Variants in PANX1 observed in about 807,000 individuals in gnomAD.
PANX1 encodes the protein pannexin 1.
Under a neutral mutation model 38.7 loss-of-function variants are expected in PANX1, and 30 were observed. The ratio of observed to expected loss-of-function variants is 0.78; its 90% CI spans 0.58 to 1.05. The LOEUF (loss-of-function observed/expected upper bound fraction) is 1.05, where lower values mean the gene tolerates loss of function less well. PANX1 is among the 50% of genes least tolerant of loss of function. The pLI is 0.00. For synonymous variants in PANX1, 230 were observed against 212.2 expected (o/e 1.08, Z -0.73); for missense variants, 551 against 517.2 (o/e 1.07, Z -0.63).
rs191033653 is a variant in PANX1 at position 94,152,698 on chromosome 11, A to T, written c.182-793A>T. ...TTTCCCTCCATGGCCTGTGTGTGTC[A>T]GGAGCACAAAGAGTCTTCCAGATGG... On this transcript the variant is annotated intron_variant, in intron 1 of 4. Transcript: ENST00000227638. Among the ~76,000 whole-genome samples the T allele has an allele frequency of 4.5e-3, 683 of 152,340 alleles. 3 individuals are homozygous for T. Among genetic ancestry groups the T allele is most frequent in the Non-Finnish European group, 6.7e-3 (458 of 68,028 alleles).
chr11:94,142,675 G>GT (rs754632514), intron 1 of PANX1, among the ~76,000 whole-genome samples: 2 of 152,256 alleles, frequency 1.3e-5, no homozygotes, highest in South Asian at 2.1e-4. Context: ...CCACTGGACT[G>GT]TAAGCCCTTG....
chr11:94,130,283 G>T (rs1018850575), intron 1 of PANX1, among the ~76,000 whole-genome samples: 4 of 152,186 alleles, frequency 2.6e-5, no homozygotes, highest in Non-Finnish European at 5.9e-5. Context: ...ACCCAGTGCG[G>T]CTGGACTTTG....
rs1010948240 is a variant in PANX1 at position 94,169,464 on chromosome 11, G to C, written c.322-8905G>C. Among the ~76,000 whole-genome samples, 16 of 151,794 alleles carry C rather than the reference G, an allele frequency of 1.1e-4. 1 individual carries two copies. Among genetic ancestry groups the C allele is most frequent in the African/African-American group, 3.4e-4 (14 of 41,062 alleles). ...ATGGGCTGAATTGTGTCCCCCAAAA[G>C]ATATGTCGAAGTTTTAACCCAGTGT... is the stretch of plus-strand genomic sequence containing the variant. On this transcript the variant is annotated intron_variant, in intron 2 of 4. Coordinates refer to ENST00000227638, the MANE Select transcript of PANX1 (RefSeq NM_015368.4).
At chr11:94,173,416 C>G (rs562276765) in intron 2 of PANX1, among the ~76,000 whole-genome samples, 1 of 151,544 alleles carries the variant, frequency 6.6e-6, no homozygotes, top group South Asian at 2.1e-4. Context: ...TACTACAGAC[C>G]AGGGCGTTTT....
rs532848971 is a variant in PANX1, at chr11:94,139,281, G to A, written c.181+9788G>A. ...ATCATGACAGGGAAACTGAAGCTCA[G>A]CAATCTAAGTGAGTGACTTGCTTGG... On this transcript the variant is annotated intron_variant, in intron 1 of 4. Coordinates refer to ENST00000227638, the MANE Select transcript of PANX1 (RefSeq NM_015368.4). Among the ~76,000 whole-genome samples the A allele has an allele frequency of 9.2e-5, 14 of 152,294 alleles. No individual in the cohort carries two copies. The South Asian group carries it at 2.7e-3, about 29-fold the overall frequency.
chr11:94,143,709 A>G (rs77280346), intron 1 of PANX1, among the ~76,000 whole-genome samples: 40 of 152,090 alleles, frequency 2.6e-4, no homozygotes, highest in African/African-American at 8.4e-4. Context: ...ACACTTACCT[A>G]ACTTTTCCCC....
rs761476795 is a variant in PANX1 at position 94,129,433 on chromosome 11, A to G, written c.121A>G (p.Ile41Val). Reference protein sequence around the residue: ...ELAVDKMVTCIAVGLPLLLIS... With the variant: ...ELAVDKMVTCVAVGLPLLLIS... ...GGCTGTGGACAAGATGGTCACGTGC[A>G]TTGCGGTGGGGCTGCCCCTGCTGCT... The change falls in exon 1 of 5, where the codon ATT (isoleucine) becomes GTT (valine). Residue 41 changes from isoleucine to valine, a missense_variant. Ile to Val is a conservative substitution (Grantham distance 29). Transcript: ENST00000227638. The G allele has an allele frequency of 1.2e-6, 2 of 1,613,892 alleles. No individual in the cohort carries two copies. The highest frequency in any genetic ancestry group is 1.7e-5 in the Admixed American group (1 of 59,996).
At chr11:94,157,617 A>T (rs923529149) in intron 2 of PANX1, among the ~76,000 whole-genome samples, 9 of 151,912 alleles carry the variant, frequency 5.9e-5, no homozygotes, top group African/African-American at 2.2e-4. Context: ...GTTTGAGTTC[A>T]TTTTAGATTC....
chr11:94,177,820 A>G (rs570853459), intron 2 of PANX1, among the ~76,000 whole-genome samples: 6 of 152,078 alleles, frequency 3.9e-5, no homozygotes, highest in Admixed American at 6.6e-5. Flanking sequence ...TTCATTCTGC[A>G]TTCTGTGAAT....
Position 94,153,493 on chromosome 11 carries a change from A to G in PANX1, c.184A>G (p.Thr62Ala), listed in dbSNP as rs1946909647. Residue 62 changes from threonine (T) to alanine (A), a missense_variant and splice_region_variant, in exon 2 of 5, where the codon ACA becomes GCA. Thr to Ala is a moderately conservative substitution (Grantham distance 58). Coordinates refer to ENST00000227638, the MANE Select transcript of PANX1 (RefSeq NM_015368.4). ...LAFAQEISIG[T>A]QISCFSPSSF... is the part of the protein sequence containing the mutation. The stretch of plus-strand genomic sequence containing the variant: ...AAACTATCTGTTTTGCTTCTTAGGT[A>G]CACAGATAAGCTGTTTCTCTCCAAG... 6.2e-7 allele frequency: 1 copy of G among 1,614,018 alleles called. No individual in the cohort carries two copies. Among genetic ancestry groups the G allele is most frequent in the African/African-American group, 1.3e-5 (1 of 74,928 alleles).
rs1591500521 is a variant in PANX1 at position 94,130,461 on chromosome 11, T to TCCTG, written c.181+968_181+969insCCTG. On this transcript the variant is annotated intron_variant, in intron 1 of 4. Coordinates refer to ENST00000227638, the MANE Select transcript of PANX1 (RefSeq NM_015368.4). ...AGAGTTCCTGGAGTCTGAGAGTGAA[T>TCCTG]ATGGGCCTGGGTCAGCCTGGAACAG... 2.0e-5 allele frequency among the ~76,000 whole-genome samples: 3 copies of TCCTG among 152,042 alleles called. No individual in the cohort carries two copies. The East Asian group carries it at 5.8e-4, about 29-fold the overall frequency.
At chr11:94,158,557 A>T (rs970927521) in intron 2 of PANX1, among the ~76,000 whole-genome samples, 14 of 151,814 alleles carry the variant, frequency 9.2e-5, no homozygotes, top group African/African-American at 3.4e-4. Flanking sequence ...TTTGTCTGTT[A>T]TTGGTGTATA....
intron 2 of PANX1, among the ~76,000 whole-genome samples, chr11:94,168,414 C>T (rs1947126651): frequency 6.6e-6 from 1 of 151,150 alleles, no homozygotes; most frequent in Non-Finnish European, 1.5e-5. Flanking sequence ...AGAGTTAAGC[C>T]TCAGTAATGG....
At chr11:94,174,293 T>C (rs1947203999) in intron 2 of PANX1, among the ~76,000 whole-genome samples, 1 of 151,546 alleles carries the variant, frequency 6.6e-6, no homozygotes, top group Admixed American at 6.6e-5. Flanking sequence ...GCCTCTGCTC[T>C]GTCTACTTCC....
chr11:94,172,560 A>T (rs769279798), intron 2 of PANX1, among the ~76,000 whole-genome samples: 1 of 151,798 alleles, frequency 6.6e-6, no homozygotes, highest in Non-Finnish European at 1.5e-5. Flanking sequence ...TTTTATTGGA[A>T]CACAACTGTG....
In PANX1 at chr11:94,170,034, G is replaced by T. The variant is rs536425969; in HGVS notation, c.322-8335G>T. ...ATTTCTACGTTGATCTCTTTTTCAAGTTTTTCTTTTTCTTTTTTGATAAAA... is the reference window on the plus strand; with the variant it reads ...ATTTCTACGTTGATCTCTTTTTCAATTTTTTCTTTTTCTTTTTTGATAAAA... On this transcript the variant is annotated intron_variant, in intron 2 of 4. Transcript: ENST00000227638. 1.2e-3 allele frequency among the ~76,000 whole-genome samples: 175 copies of T among 151,794 alleles called. 9 individuals are homozygous for T. The highest frequency in any genetic ancestry group is 4.1e-3 in the African/African-American group (168 of 41,132).
At chr11:94,171,382 A>G (rs1286653249) in intron 2 of PANX1, among the ~76,000 whole-genome samples, 1 of 151,752 alleles carries the variant, frequency 6.6e-6, no homozygotes, top group Non-Finnish European at 1.5e-5. Flanking sequence ...ATTCTGCTTT[A>G]TTAATTCTTT....
At chr11:94,164,154 C>G (rs565010371) in intron 2 of PANX1, among the ~76,000 whole-genome samples, 1 of 149,912 alleles carries the variant, frequency 6.7e-6, no homozygotes, top group African/African-American at 2.5e-5. Context: ...TTGATTTTGT[C>G]TTTTCAAAAA....
At position 94,129,420 on chromosome 11, in the gene PANX1, G is replaced by A. The variant is rs74613753; in HGVS notation, c.108G>A (p.Lys36=). 64 of 1,614,106 alleles carry A rather than the reference G, an allele frequency of 4.0e-5. No individual in the cohort carries two copies. The African/African-American group carries it at 7.5e-4, about 19-fold the overall frequency. ...KGLRLELAVD[K]MVTCIAVGLP... ...TGCGACTGGAGCTGGCTGTGGACAAGATGGTCACGTGCATTGCGGTGGGGC... is the reference window on the plus strand; with the variant it reads ...TGCGACTGGAGCTGGCTGTGGACAAAATGGTCACGTGCATTGCGGTGGGGC... Residue 36 remains lysine (K), a synonymous_variant, in exon 1 of 5, where the codon AAG becomes AAA. Coordinates refer to ENST00000227638, the MANE Select transcript of PANX1 (RefSeq NM_015368.4).
Sources: allele counts gnomAD v4.1 joint callset (sites outside exome capture counted in the v4.1 genomes callset), GRCh38; gene constraint gnomAD v4.1.1; transcripts MANE v1.5; gene names NCBI Gene and HGNC (gene_info 2026-07-23, HGNC 2026-07-21).